The following PHF19 variants were observed in gnomAD, a reference collection of about 807,000 sequenced individuals.
PHF19 encodes polycomb like 3.
Under a neutral mutation model 79.8 loss-of-function variants are expected in PHF19, and 21 were observed. The observed-to-expected ratio is 0.26, with a 90% CI of 0.19 to 0.38. The LOEUF is 0.38. PHF19 is among the 10% of genes least tolerant of loss of function. The probability of loss-of-function intolerance (pLI) is 1.00; values close to 1 mark genes in which losing one functional copy is unlikely to be tolerated. For missense variants in PHF19, 445 were observed against 744.2 expected (o/e 0.60, Z 4.68); for synonymous variants, 273 against 296.3 (o/e 0.92, Z 0.81).
rs190930026 is a variant in PHF19 at position 120,862,398 on chromosome 9, C to A, written c.1130+190G>T. Among the ~76,000 whole-genome samples, 1 of 152,174 alleles carries A rather than the reference C, an allele frequency of 6.6e-6. No individual in the cohort carries two copies. Among genetic ancestry groups the A allele is most frequent in the African/African-American group, 2.4e-5 (1 of 41,440 alleles). ...CCTCAGATCTGGCTTTTCCTCCTTG[C>A]GAGGTAATAAGGGGGCTGTGGTGGT... On this transcript the variant is annotated intron_variant, in intron 11 of 14. Coordinates refer to ENST00000373896, the MANE Select transcript of PHF19 (RefSeq NM_015651.3). This position sits in a 1 kb window ranked among gnomAD's most constrained non-coding sequence, Gnocchi z 4.6.
At chr9:120,877,422 G>GCGCCGCCAGC (rs1229242704), upstream of PHF19, 12 of 926,298 alleles carry the variant, frequency 1.3e-5, no homozygotes, top group Non-Finnish European at 1.5e-5. Flanking sequence ...GGGCTCCGCA[G>GCGCCGCCAGC]CGCCGCCAGC....
intron 1 of PHF19, among the ~76,000 whole-genome samples, chr9:120,888,646 T>G (rs2046300873): frequency 6.6e-6 from 1 of 152,196 alleles, no homozygotes; most frequent in South Asian, 2.1e-4. Flanking sequence ...TTCTTGATTA[T>G]GAGCAACCAG....
At chr9:120,884,252 A>G (rs549320948) in intron 1 of PHF19, among the ~76,000 whole-genome samples, 1 of 152,354 alleles carries the variant, frequency 6.6e-6, no homozygotes, top group Non-Finnish European at 1.5e-5. Context: ...TTAATTAAAG[A>G]TACCTTTAAA....
Position 120,883,329 on chromosome 9 carries a change from TTAAAGA to T in PHF19, c.43-8579_43-8574del, listed in dbSNP as rs1328317729. 1.8e-4 allele frequency among the ~76,000 whole-genome samples: 28 copies of T among 152,162 alleles called. 1 individual carries two copies. The highest frequency in any genetic ancestry group is 1.6e-3 in the Admixed American group (24 of 15,274). On this transcript the variant is annotated intron_variant, in intron 1 of 14. Transcript: ENST00000616568. ...GTCTAAATTTTAGTCTCCCCATCTG[TTAAAGA>T]TAAAGTGGTGGTTTGTTCACCCTTT...
chr9:120,869,114 G>A lies in PHF19; in HGVS notation c.614+68C>T. 6.7e-7 allele frequency: 1 copy of A among 1,498,610 alleles called. No homozygotes were observed. Among genetic ancestry groups the A allele is most frequent in the South Asian group, 1.3e-5 (1 of 79,078 alleles). The allele number at this position is 1,498,610 out of a possible 1,614,324, so 92.8% of individuals were successfully genotyped here. On this transcript the variant is annotated intron_variant, in intron 6 of 14. Transcript: ENST00000373896. The surrounding 1 kb of genome is among the most constrained non-coding windows in gnomAD (Gnocchi z 5.8). ...TGACACGCCAGGCTCGCTCCCTATG[G>A]GCGGTCCCTGCTGGCGATTCTTGGA...
intron 1 of PHF19, among the ~76,000 whole-genome samples, chr9:120,890,774 C>T (rs2046331998): frequency 6.6e-6 from 1 of 152,118 alleles, no homozygotes; most frequent in Non-Finnish European, 1.5e-5. Flanking sequence ...TCCAGGAAGC[C>T]CTCCTTGGTA....
upstream of PHF19, among the ~76,000 whole-genome samples, chr9:120,879,664 C>T (rs1030222469): frequency 2.6e-5 from 4 of 152,098 alleles, no homozygotes; most frequent in African/African-American, 4.8e-5. Context: ...AAGAAAGGTA[C>T]GGTGTCACCA....
rs1343689623 is a variant in PHF19 at position 120,862,928 on chromosome 9, T to G, written c.969-179A>C. 3 of 607,942 alleles carry G rather than the reference T, an allele frequency of 4.9e-6. No individual in the cohort carries two copies. The highest frequency in any genetic ancestry group is 8.8e-6 in the Non-Finnish European group (3 of 340,892). 37.7% of individuals were successfully genotyped at this position (607,942 alleles called of 1,614,324 possible). On this transcript the variant is annotated intron_variant, in intron 10 of 14. Coordinates refer to ENST00000373896, the MANE Select transcript of PHF19 (RefSeq NM_015651.3). The surrounding 1 kb of genome is among the most constrained non-coding windows in gnomAD (Gnocchi z 4.6). ...GGGATGCGGGGTTCCAGGTAGCAGCTGAGAACACGGCTGGTGCCTCCTCCC... is the reference window on the plus strand; with the variant it reads ...GGGATGCGGGGTTCCAGGTAGCAGCGGAGAACACGGCTGGTGCCTCCTCCC...
chr9:120,866,170 C>T lies in PHF19; in HGVS notation c.711-74G>A, dbSNP rs1305620548. ...CCCCACCCCAGTCCAGCCCCTTGATCTCCTCATTCCCCACCTACCTTCCCA... is the reference window on the plus strand; with the variant it reads ...CCCCACCCCAGTCCAGCCCCTTGATTTCCTCATTCCCCACCTACCTTCCCA... On this transcript the variant is annotated intron_variant, in intron 7 of 14. Coordinates refer to ENST00000373896, the MANE Select transcript of PHF19 (RefSeq NM_015651.3). This position sits in a 1 kb window ranked among gnomAD's most constrained non-coding sequence, Gnocchi z 5.2. 9.5e-7 allele frequency: 1 copy of T among 1,048,782 alleles called. No individual in the cohort carries two copies. Among genetic ancestry groups the T allele is most frequent in the African/African-American group, 1.6e-5 (1 of 63,906 alleles). 65.0% of individuals were successfully genotyped at this position (1,048,782 alleles called of 1,614,324 possible). A position where few individuals can be genotyped will look rare whatever the true frequency, so the allele number is the denominator to read the frequency against.
intron 1 of PHF19, among the ~76,000 whole-genome samples, chr9:120,883,283 G>C (rs1034299438): frequency 6.6e-6 from 1 of 152,182 alleles, no homozygotes; most frequent in Non-Finnish European, 1.5e-5. Flanking sequence ...GCTTGCTGTG[G>C]AACCAAGGAT....
rs1401505338 is a variant in PHF19, at chr9:120,870,506, T to C, written c.301A>G (p.Ile101Val). The change falls in exon 4 of 15, where the codon ATC becomes GTC. Residue 101 changes from isoleucine (I) to valine (V), a missense_variant. By Grantham distance (29) the Ile-to-Val change is conservative. This residue lies in a region of PHF19 where 167 missense variants were observed against 375.8 expected (regional missense o/e 0.44). Transcript: ENST00000373896. The surrounding 1 kb of genome is among the most constrained non-coding windows in gnomAD (Gnocchi z 4.4). Reference protein sequence around the residue: ...GVPGEEPKCNICLGKTSGPLN... With the variant: ...GVPGEEPKCNVCLGKTSGPLN... ...GGCCCTGATGTCTTCCCTAGGCAGA[T>C]GTTGCACTTGGGCTCCTCTCCTGGA... 1 of 1,612,792 alleles carries C rather than the reference T, an allele frequency of 6.2e-7. No individual in the cohort carries two copies. Among genetic ancestry groups the C allele is most frequent in the Non-Finnish European group, 8.5e-7 (1 of 1,178,832 alleles).
chr9:120,892,391 G>A (rs2046353718), intron 1 of PHF19, among the ~76,000 whole-genome samples: 1 of 152,130 alleles, frequency 6.6e-6, no homozygotes, highest in African/African-American at 2.4e-5. Flanking sequence ...TGAGACTTGT[G>A]CCGTACGTGC....
upstream of PHF19, chr9:120,877,314 G>A (rs1383751642): frequency 1.0e-6 from 1 of 978,398 alleles, no homozygotes; most frequent in Non-Finnish European, 1.2e-6. Context: ...CCGGGCGCGG[G>A]GCGCCATCTT....
rs2131516690 is a variant in PHF19 at position 120,866,234 on chromosome 9, C to T, written c.711-138G>A. 2.8e-6 allele frequency: 2 copies of T among 710,074 alleles called. No homozygotes were observed. Among genetic ancestry groups the T allele is most frequent in the Non-Finnish European group, 5.2e-6 (2 of 386,184 alleles). 44.0% of individuals were successfully genotyped at this position (710,074 alleles called of 1,614,324 possible). Reference sequence around the variant, plus strand: ...CCTAGGACTGCTGGCCACTGGGGGTCAAGGACAGGGCAGGACAGGGACTAA... The same window carrying T: ...CCTAGGACTGCTGGCCACTGGGGGTTAAGGACAGGGCAGGACAGGGACTAA... On this transcript the variant is annotated intron_variant, in intron 7 of 14. Transcript: ENST00000373896. This position sits in a 1 kb window ranked among gnomAD's most constrained non-coding sequence, Gnocchi z 5.2.
Position 120,860,426 on chromosome 9 carries a change from C to T in PHF19, c.1305-241G>A. The T allele has an allele frequency of 2.0e-6, 1 of 496,404 alleles. No individual in the cohort carries two copies. The allele number at this position is 496,404 out of a possible 1,614,324, so 30.7% of individuals were successfully genotyped here. On this transcript the variant is annotated intron_variant, in intron 13 of 14. Transcript: ENST00000373896. The surrounding 1 kb of genome is among the most constrained non-coding windows in gnomAD (Gnocchi z 4.1). ...GTGACGTAAGCACTGGTGTCAATAA[C>T]TCGAGCGTGATCCAAGGCACCTGTG... is the stretch of plus-strand genomic sequence containing the variant.
chr9:120,872,037 CA>C (rs1170243737), intron 3 of PHF19, among the ~76,000 whole-genome samples: 474 of 30,266 alleles, frequency 0.016, 1 homozygote, highest in African/African-American at 0.056. Flanking sequence ...GACTCTGTCT[CA>C]AAAAAAAAAA....
rs2045700581 is a variant in PHF19 at position 120,866,339 on chromosome 9, A to G, written c.711-243T>C. On this transcript the variant is annotated intron_variant, in intron 7 of 14. Coordinates refer to ENST00000373896, the MANE Select transcript of PHF19 (RefSeq NM_015651.3). The surrounding 1 kb of genome is among the most constrained non-coding windows in gnomAD (Gnocchi z 5.2). ...CCCTGAAGCGTGGCTGAGTTCACAG[A>G]GAGTGAGCTGAGCTAGGCTGGGCTG... Among the ~76,000 whole-genome samples the G allele has an allele frequency of 6.6e-6, 1 of 152,214 alleles. No homozygotes were observed. The highest frequency in any genetic ancestry group is 2.4e-5 in the African/African-American group (1 of 41,452).
Position 120,869,708 on chromosome 9 carries a change from G to A in PHF19, c.465+137C>T, listed in dbSNP as rs778758129. ...AGTCTACAAATCCTGGCCAAGGACA[G>A]TGGCAGAGGCGCTATCTGTCTCCAA... is the stretch of plus-strand genomic sequence containing the variant. On this transcript the variant is annotated intron_variant, in intron 5 of 14. Transcript: ENST00000373896. This position sits in a 1 kb window ranked among gnomAD's most constrained non-coding sequence, Gnocchi z 5.8. The A allele has an allele frequency of 6.4e-7, 1 of 1,555,680 alleles. No individual in the cohort carries two copies. The highest frequency in any genetic ancestry group is 1.4e-5 in the African/African-American group (1 of 73,408).
intron 12 of PHF19, 38 bp from the exon 13 acceptor site, chr9:120,861,212 C>A (rs776558842): frequency 8.3e-7 from 1 of 1,207,566 alleles, no homozygotes; most frequent in Non-Finnish European, 1.2e-6. Context: ...GGTCAGACAG[C>A]GAGTATCAAA....
Sources: gnomAD v4.1 joint callset for allele counts (sites outside exome capture counted in the v4.1 genomes callset) on GRCh38, gnomAD v4.1.1 for gene constraint, gnomAD v4.1.1 regional missense constraint, Gnocchi (gnomAD v3.1) non-coding constraint, MANE v1.5 for transcripts, NCBI Gene and HGNC (gene_info 2026-07-23, HGNC 2026-07-21) for gene names.